The following AXDND1 variants were observed in gnomAD, a reference collection of about 807,000 sequenced individuals.
AXDND1 encodes axonemal dynein light chain domain-containing protein 1.
AXDND1 carries 110 observed loss-of-function variants against 137.5 expected under a neutral mutation model. That is an observed-to-expected ratio of 0.80 (90% CI 0.69 to 0.94). AXDND1 has a LOEUF of 0.94. Among genes scored for constraint, AXDND1 ranks in the 40% least tolerant of loss-of-function variants. The pLI is 0.00. For missense variants in AXDND1, 1,191 were observed against 1,169.8 expected (o/e 1.02, Z -0.26); for synonymous variants, 414 against 399.7 (o/e 1.04, Z -0.43).
intron 11 of AXDND1, among the ~76,000 whole-genome samples, chr1:179,402,264 A>T (rs1180367437): frequency 6.6e-6 from 1 of 151,646 alleles, no homozygotes; most frequent in Admixed American, 6.6e-5. Flanking sequence ...ATTTTTGCCT[A>T]CTCTATATAC....
At chr1:179,526,860 T>C (rs534164735) in intron 22 of AXDND1, among the ~76,000 whole-genome samples, 1 of 152,282 alleles carries the variant, frequency 6.6e-6, no homozygotes, top group African/African-American at 2.4e-5. Context: ...TCCCAGGAAA[T>C]TGGACACTCT....
chr1:179,376,105 C>T (rs1216242982), intron 4 of AXDND1, among the ~76,000 whole-genome samples: 3 of 152,136 alleles, frequency 2.0e-5, no homozygotes, highest in African/African-American at 7.2e-5. Context: ...TTCATTTCAT[C>T]CATAAAACCT....
chr1:179,545,511 G>C (rs925433374), intron 25 of AXDND1: 3 of 152,176 alleles, frequency 2.0e-5, no homozygotes, highest in Non-Finnish European at 4.4e-5. Flanking sequence ...AGTGCTCCTG[G>C]CCCAAATGAC....
intron 11 of AXDND1, among the ~76,000 whole-genome samples, chr1:179,400,559 A>C (rs1651808034): frequency 6.6e-6 from 1 of 151,380 alleles, no homozygotes; most frequent in South Asian, 2.1e-4. Context: ...CTGTACCCCA[A>C]TAACTTATGG....
intron 16 of AXDND1, among the ~76,000 whole-genome samples, chr1:179,465,672 T>G (rs1663043303): frequency 6.6e-6 from 1 of 152,250 alleles, no homozygotes; most frequent in Admixed American, 6.5e-5. Flanking sequence ...TGTTTAAGTC[T>G]GCAGAAGTTT....
At chr1:179,492,453 CAA>C (rs1558263614) in intron 19 of AXDND1, among the ~76,000 whole-genome samples, 151 of 32,566 alleles carry the variant, frequency 4.6e-3, no homozygotes, top group Admixed American at 0.026. Context: ...AAAAAAACAA[CAA>C]CCCACAAACC....
chr1:179,429,383 C>T (rs902626278), intron 12 of AXDND1, 135 bp from the exon 13 acceptor site: 30 of 461,260 alleles, frequency 6.5e-5, no homozygotes, highest in Non-Finnish European at 8.6e-5. Context: ...ATTTGTAATT[C>T]GTGTTAATGA....
rs1180434809 is a variant in AXDND1, at chr1:179,429,719, T to G, written c.1332+100T>G. The G allele has an allele frequency of 9.9e-6, 6 of 608,614 alleles. No homozygotes were observed. In the East Asian group the frequency reaches 1.0e-4, roughly 10 times the overall value. The allele number at this position is 608,614 out of a possible 1,614,324, so 37.7% of individuals were successfully genotyped here. On this transcript the variant is annotated intron_variant, in intron 13 of 25. Coordinates refer to ENST00000367618, the MANE Select transcript of AXDND1 (RefSeq NM_144696.6). ...GTTAAATTTATCGATTTTAAAAATATCATTTTATATTAGTGCTTATTGTAC... is the reference window on the plus strand; with the variant it reads ...GTTAAATTTATCGATTTTAAAAATAGCATTTTATATTAGTGCTTATTGTAC...
rs1653821670 is a variant in AXDND1, at chr1:179,411,267, G to T, written c.1230+1G>T. The T allele has an allele frequency of 1.9e-6, 3 of 1,605,344 alleles. No homozygotes were observed. The highest frequency in any genetic ancestry group is 2.5e-6 in the Non-Finnish European group (3 of 1,177,650). ...AGCCACATATGAATTGGCCCTGAAGGTTAGTTCATCTGGATTCACAACTCA... is the reference window on the plus strand; with the variant it reads ...AGCCACATATGAATTGGCCCTGAAGTTTAGTTCATCTGGATTCACAACTCA... On this transcript the variant is annotated splice_donor_variant, in intron 12 of 25. Transcript: ENST00000367618. LOFTEE classifies it high-confidence loss of function.
intron 25 of AXDND1, among the ~76,000 whole-genome samples, chr1:179,540,793 C>T (rs570251811): frequency 6.6e-6 from 1 of 152,212 alleles, no homozygotes; most frequent in Non-Finnish European, 1.5e-5. Flanking sequence ...CCACCACTGC[C>T]CTTCCCTCAG....
At chr1:179,541,759 C>T (rs2125730811) in intron 25 of AXDND1, among the ~76,000 whole-genome samples, 1 of 151,878 alleles carries the variant, frequency 6.6e-6, no homozygotes, top group Admixed American at 6.5e-5. Context: ...CTTAATAATC[C>T]TAAATACACA....
chr1:179,511,852 G>A (rs1182463263), intron 21 of AXDND1, among the ~76,000 whole-genome samples: 1 of 151,876 alleles, frequency 6.6e-6, no homozygotes, highest in Admixed American at 6.6e-5. Flanking sequence ...TTGGCCATTT[G>A]TGTCTCTTCT....
rs185854538 is a variant in AXDND1, at chr1:179,489,449, A to C, written c.2092-2089A>C. 3.8e-3 allele frequency among the ~76,000 whole-genome samples: 573 copies of C among 152,322 alleles called. 1 individual carries two copies. The highest frequency in any genetic ancestry group is 9.2e-3 in the African/African-American group (384 of 41,572). Reference sequence around the variant, plus strand: ...TATGTAAGCAAAAATGAGTTGTTTCAATGATAGTATAATCTAGGCCATTGG... The same window carrying C: ...TATGTAAGCAAAAATGAGTTGTTTCCATGATAGTATAATCTAGGCCATTGG... On this transcript the variant is annotated intron_variant, in intron 18 of 25. Transcript: ENST00000367618.
chr1:179,470,703 A>T (rs1663812582), intron 17 of AXDND1, among the ~76,000 whole-genome samples: 1 of 152,140 alleles, frequency 6.6e-6, no homozygotes, highest in Admixed American at 6.5e-5. Flanking sequence ...TATTTTCTAT[A>T]CAAAAGATCA....
intron 18 of AXDND1, among the ~76,000 whole-genome samples, chr1:179,489,735 A>G (rs12088669): frequency 0.01 from 1,368 of 131,770 alleles, 29 homozygotes; most frequent in African/African-American, 0.035. Context: ...ATAGGCTACT[A>G]CTTTTCTTTT....
chr1:179,470,987 C>T (rs1663855165), intron 17 of AXDND1, among the ~76,000 whole-genome samples: 1 of 151,912 alleles, frequency 6.6e-6, no homozygotes, highest in Non-Finnish European at 1.5e-5. Flanking sequence ...AATGCTTTTT[C>T]TGTATCTAGT....
chr1:179,461,364 T>C (rs1015113598), intron 16 of AXDND1, among the ~76,000 whole-genome samples: 1 of 152,194 alleles, frequency 6.6e-6, no homozygotes, highest in Non-Finnish European at 1.5e-5. Flanking sequence ...TGGTTGTAGA[T>C]GTGTGGTATT....
chr1:179,474,293 G>A (rs962156307), intron 17 of AXDND1, among the ~76,000 whole-genome samples: 2 of 151,992 alleles, frequency 1.3e-5, no homozygotes, highest in African/African-American at 4.8e-5. Flanking sequence ...ATAGGAAATT[G>A]GTACTGGAAT....
At chr1:179,524,802 A>G (rs1670383415) in intron 21 of AXDND1, among the ~76,000 whole-genome samples, 1 of 152,086 alleles carries the variant, frequency 6.6e-6, no homozygotes, top group Admixed American at 6.5e-5. Context: ...TCCTGTTGCT[A>G]GAATGATTGT....
Sources: gnomAD v4.1 joint callset for allele counts (sites outside exome capture counted in the v4.1 genomes callset) on GRCh38, gnomAD v4.1.1 for gene constraint, MANE v1.5 for transcripts, NCBI Gene and HGNC (gene_info 2026-07-23, HGNC 2026-07-21) for gene names.